RXYLT1: variants seen among roughly 807,000 people sequenced by gnomAD.
RXYLT1 encodes the protein ribitol-5-phosphate xylosyltransferase 1.
In RXYLT1, 41 loss-of-function variants were observed where a neutral mutation model predicts 43.5. The ratio of observed to expected loss-of-function variants is 0.94; its 90% CI spans 0.73 to 1.22. The LOEUF (loss-of-function observed/expected upper bound fraction) is 1.22, where lower values mean the gene tolerates loss of function less well. Ranked by LOEUF, RXYLT1 falls within the 50% of genes most tolerant of loss-of-function variation. The pLI is 0.00. For synonymous variants in RXYLT1, 166 were observed against 194.4 expected (o/e 0.85, Z 1.21); for missense variants, 514 against 532.0 (o/e 0.97, Z 0.33).
Position 63,780,003 on chromosome 12 carries a change from C to T in RXYLT1, c.43C>T (p.Leu15=), listed in dbSNP as rs770861350. 6.6e-5 allele frequency: 106 copies of T among 1,611,082 alleles called. No homozygotes were observed. Among genetic ancestry groups the T allele is most frequent in the Non-Finnish European group, 8.7e-5 (103 of 1,178,908 alleles). ...RKRLCSFLIA[L]YCLFSLYAAY... ...GCGGCTCTGCTCGTTTCTTATCGCC[C>T]TGTACTGCCTATTCTCCCTCTACGC... Residue 15 remains leucine (L), a synonymous_variant, in exon 1 of 6, where the codon CTG becomes TTG. Coordinates refer to ENST00000261234, the MANE Select transcript of RXYLT1 (RefSeq NM_014254.3).
intron 3 of RXYLT1, among the ~76,000 whole-genome samples, chr12:63,795,237 C>T (rs1404416333): frequency 6.7e-6 from 1 of 149,804 alleles, no homozygotes; most frequent in Admixed American, 6.6e-5. Flanking sequence ...GCTGTGATCA[C>T]GTGACTGCAT....
chr12:63,803,004 A>C (rs1311360247), intron 4 of RXYLT1, among the ~76,000 whole-genome samples: 2 of 135,194 alleles, frequency 1.5e-5, no homozygotes. Flanking sequence ...CCCTATCTCT[A>C]AAAAAAAAAA....
chr12:63,802,184 C>A lies in RXYLT1; in HGVS notation c.522C>A (p.Ile174=), dbSNP rs1898175165. The change falls in exon 4 of 6, where the codon ATC becomes ATA. Residue 174 remains isoleucine (I), a synonymous_variant. Transcript: ENST00000261234. ...TAAATGGAAGAGAAAAAGCAAAGAT[C>A]TTTTATGCCACCCAGTGGTTACTTT... is the stretch of plus-strand genomic sequence containing the variant. ...LILNGREKAK[I]FYATQWLLYA... 6.2e-7 allele frequency: 1 copy of A among 1,613,928 alleles called. No homozygotes were observed. The highest frequency in any genetic ancestry group is 1.3e-5 in the African/African-American group (1 of 74,922).
intron 4 of RXYLT1, among the ~76,000 whole-genome samples, chr12:63,803,012 A>G (rs1338873392): frequency 6.6e-6 from 1 of 151,304 alleles, no homozygotes; most frequent in Admixed American, 6.6e-5. Flanking sequence ...CTAAAAAAAA[A>G]AAAAATCAAA....
At chr12:63,786,862 C>T (rs1389039146) in intron 3 of RXYLT1, among the ~76,000 whole-genome samples, 1 of 152,132 alleles carries the variant, frequency 6.6e-6, no homozygotes, top group Middle Eastern at 3.2e-3. Flanking sequence ...GCCTGTAATC[C>T]CAGTACTTTG....
chr12:63,780,606 A>T, intron 1 of RXYLT1: 1 of 802,110 alleles, frequency 1.2e-6, no homozygotes. Flanking sequence ...CTTTCCCTTT[A>T]TTCAGAATTT....
chr12:63,805,508 A>G (rs1308411277), intron 5 of RXYLT1, 104 bp downstream of exon 5: 2 of 1,127,602 alleles, frequency 1.8e-6, no homozygotes, highest in Non-Finnish European at 2.5e-6. Context: ...CTCTATTTGT[A>G]CCAATCTTTC....
intron 3 of RXYLT1, among the ~76,000 whole-genome samples, chr12:63,792,374 T>C (rs1319763951): frequency 6.6e-6 from 1 of 152,236 alleles, no homozygotes; most frequent in African/African-American, 2.4e-5. Context: ...TCATCACTCC[T>C]GTTCAGCCGA....
intron 2 of RXYLT1, 74 bp from the exon 3 acceptor site, chr12:63,784,896 G>A (rs1180269155): frequency 1.8e-5 from 23 of 1,311,544 alleles, no homozygotes; most frequent in Non-Finnish European, 2.4e-5. Flanking sequence ...AGAACAGAAC[G>A]TAAACTTGTC....
At chr12:63,808,433 A>G in intron 5 of RXYLT1, 2 of 490,198 alleles carry the variant, frequency 4.1e-6, no homozygotes, top group Non-Finnish European at 7.1e-6. Flanking sequence ...AATTATTATT[A>G]TCCATTCAGA....
Position 63,808,783 on chromosome 12 carries a change from CTA to C in RXYLT1, c.1025_1026del (p.Tyr342Ter). ...GAGTAAACACAGAATGCTATCGAATCTATGAGGCTTGCTCCTATGGCTCCATT... is the reference window on the plus strand; with the variant it reads ...GAGTAAACACAGAATGCTATCGAATCTGAGGCTTGCTCCTATGGCTCCATT... ...VGVNTECYRI[Y>X]EACSYGSIPV... On this transcript the variant is annotated frameshift_variant, in exon 6 of 6. Coordinates refer to ENST00000261234, the MANE Select transcript of RXYLT1 (RefSeq NM_014254.3). LOFTEE classifies it high-confidence loss of function. The C allele has an allele frequency of 6.2e-7, 1 of 1,613,610 alleles. No homozygotes were observed. The highest frequency in any genetic ancestry group is 8.5e-7 in the Non-Finnish European group (1 of 1,179,952).
chr12:63,795,312 G>C (rs1898006651), intron 3 of RXYLT1, among the ~76,000 whole-genome samples: 1 of 151,098 alleles, frequency 6.6e-6, no homozygotes, highest in South Asian at 2.1e-4. Context: ...AGAAGAAGAA[G>C]GGCCAGGCAT....
intron 2 of RXYLT1, among the ~76,000 whole-genome samples, chr12:63,783,306 CA>C (rs1168481058): frequency 6.6e-6 from 1 of 152,116 alleles, no homozygotes; most frequent in African/African-American, 2.4e-5. Context: ...ACCAAAAATA[CA>C]AAAATTAGCC....
At chr12:63,782,396 C>CCA (rs1286269287) in intron 2 of RXYLT1, 2 of 416,330 alleles carry the variant, frequency 4.8e-6, no homozygotes, top group Non-Finnish European at 4.8e-6. Flanking sequence ...GGCATCTCAG[C>CCA]CACACTCTTG....
chr12:63,782,327 T>A (rs574934139), intron 2 of RXYLT1, among the ~76,000 whole-genome samples: 1 of 152,342 alleles, frequency 6.6e-6, no homozygotes, highest in Admixed American at 6.5e-5. Context: ...AATGGCCAGC[T>A]CCATTAGATG....
intron 4 of RXYLT1, chr12:63,805,005 A>G: frequency 2.5e-6 from 1 of 404,604 alleles, no homozygotes; most frequent in South Asian, 7.8e-5. Context: ...AACTTTAGGC[A>G]CAACATCTCT....
At chr12:63,781,349 G>A (rs1897680324) in intron 2 of RXYLT1, among the ~76,000 whole-genome samples, 175 bp downstream of exon 2, 1 of 152,098 alleles carries the variant, frequency 6.6e-6, no homozygotes, top group Non-Finnish European at 1.5e-5. Flanking sequence ...ACATCTGTTT[G>A]TAAATGTACA....
At chr12:63,797,879 A>G (rs1413105239) in intron 3 of RXYLT1, among the ~76,000 whole-genome samples, 1 of 152,166 alleles carries the variant, frequency 6.6e-6, no homozygotes, top group Non-Finnish European at 1.5e-5. Context: ...GACAAATTTG[A>G]GAAATATTTA....
chr12:63,780,249 G>T (rs983564963), intron 1 of RXYLT1, 120 bp downstream of exon 1: 109 of 1,383,546 alleles, frequency 7.9e-5, no homozygotes, highest in Non-Finnish European at 9.7e-5. Flanking sequence ...GGCCTGAGAA[G>T]CGCTTTGCCC....
Sources: allele counts gnomAD v4.1 joint callset (sites outside exome capture counted in the v4.1 genomes callset), GRCh38; gene constraint gnomAD v4.1.1; transcripts MANE v1.5; gene names NCBI Gene and HGNC (gene_info 2026-07-23, HGNC 2026-07-21).